The following ERVMER34-1 variants were observed in gnomAD, a reference collection of about 807,000 sequenced individuals.
ERVMER34-1 encodes the protein endogenous retrovirus group MER34 member 1, envelope, also known as endogenous retroviral envelope protein HEMO.
For synonymous variants in ERVMER34-1, 199 were observed against 111.7 expected (o/e 1.78, Z -4.93); for missense variants, 471 against 295.1 (o/e 1.60, Z -4.37).
chr4:52,747,088 G>A (rs192092814), intron 2 of ERVMER34-1, among the ~76,000 whole-genome samples: 2 of 152,106 alleles, frequency 1.3e-5, no homozygotes, highest in East Asian at 1.9e-4. Context: ...AATTAGCTGG[G>A]CATGGTGGTG....
intron 2 of ERVMER34-1, among the ~76,000 whole-genome samples, chr4:52,746,371 CCA>C (rs1253202605): frequency 6.6e-6 from 1 of 152,064 alleles, no homozygotes; most frequent in Non-Finnish European, 1.5e-5. Flanking sequence ...CCGTCTGAGT[CCA>C]GTTTATTGAC....
chr4:52,744,260 G>A lies in ERVMER34-1; in HGVS notation c.1261C>T (p.Arg421Ter), dbSNP rs772682980. 7.1e-6 allele frequency: 5 copies of A among 704,050 alleles called. No individual in the cohort carries two copies. Among genetic ancestry groups the A allele is most frequent in the South Asian group, 5.9e-5 (4 of 67,576 alleles). The allele number at this position is 704,050 out of a possible 1,614,324, so 43.6% of individuals were successfully genotyped here. Residue 421 changes from arginine (R) to a stop codon, truncating the protein, a stop_gained, in exon 3 of 3, where the codon CGA (arginine) becomes TGA (stop). Transcript: ENST00000443173. LOFTEE classifies it low-confidence loss of function (END_TRUNC). ...SKVSSLASASRKDHVLDIPTT... is the reference protein window; with the variant it reads ...SKVSSLASAS ...GGTATATCCAAGACATGATCCTTTC[G>A]GGATGCAGAGGCTAAACTGCTAACT...
intron 2 of ERVMER34-1, among the ~76,000 whole-genome samples, chr4:52,749,474 A>C (rs1434111209): frequency 6.6e-6 from 1 of 150,554 alleles, no homozygotes; most frequent in Non-Finnish European, 1.5e-5. Context: ...TCTAAACCAC[A>C]AGAAGACCTC....
intron 2 of ERVMER34-1, among the ~76,000 whole-genome samples, chr4:52,749,595 G>A (rs931750111): frequency 1.3e-5 from 2 of 152,074 alleles, no homozygotes; most frequent in Non-Finnish European, 2.9e-5. Flanking sequence ...CTGACGTCAG[G>A]AGTTTGAGAC....
chr4:52,743,849 A>G lies in ERVMER34-1; in HGVS notation c.1672T>C (p.Tyr558His). Residue 558 changes from tyrosine to histidine, a missense_variant, in exon 3 of 3, where the codon TAT becomes CAT. Coordinates refer to ENST00000443173, the MANE Select transcript of ERVMER34-1 (RefSeq NM_001242690.2). ...TATTCTCAAAGTAGACTTGTGTCATATTGATGGGTTGTTAGTCCCTTCATT... is the reference window on the plus strand; with the variant it reads ...TATTCTCAAAGTAGACTTGTGTCATGTTGATGGGTTGTTAGTCCCTTCATT... ...RAMKGLTTHQ[Y>H]DTSLL The G allele has an allele frequency of 6.6e-7, 1 of 1,503,822 alleles. No homozygotes were observed. Among genetic ancestry groups the G allele is most frequent in the Non-Finnish European group, 8.8e-7 (1 of 1,132,292 alleles). 93.2% of individuals were successfully genotyped at this position (1,503,822 alleles called of 1,614,324 possible). A position where few individuals can be genotyped will look rare whatever the true frequency, so the allele number is the denominator to read the frequency against.
intron 2 of ERVMER34-1, among the ~76,000 whole-genome samples, chr4:52,746,752 T>C (rs1398898616): frequency 1.3e-5 from 2 of 152,148 alleles, no homozygotes; most frequent in East Asian, 3.8e-4. Flanking sequence ...ATGCTTACCA[T>C]CTCTAGAGTC....
chr4:52,750,427 T>TA (rs2109417697), intron 2 of ERVMER34-1, among the ~76,000 whole-genome samples: 1 of 152,294 alleles, frequency 6.6e-6, no homozygotes, highest in East Asian at 1.9e-4. Context: ...AGGAAACTGA[T>TA]AGAGTATCTT....
Position 52,745,452 on chromosome 4 carries a change from T to A in ERVMER34-1, c.69A>T (p.Gln23His). ...AAACTGGAGCAAGCAGGTGCTGAGG[T>A]TGTACTAGAATTGTCAAAAAAGCAG... ...TLTAFLTILV[Q>H]PQHLLAPVFR... is the part of the protein sequence containing the mutation. Residue 23 changes from glutamine to histidine, a missense_variant, in exon 3 of 3, where the codon CAA becomes CAT. Transcript: ENST00000443173. 1 of 703,950 alleles carries A rather than the reference T, an allele frequency of 1.4e-6. No individual in the cohort carries two copies. Among genetic ancestry groups the A allele is most frequent in the South Asian group, 1.5e-5 (1 of 67,594 alleles). 43.6% of individuals were successfully genotyped at this position (703,950 alleles called of 1,614,324 possible). A position where few individuals can be genotyped will look rare whatever the true frequency, so the allele number is the denominator to read the frequency against.
In ERVMER34-1 at chr4:52,742,931, A is replaced by G. The variant is rs924694651; in HGVS notation, c.*898T>C. The G allele has an allele frequency of 6.6e-6, 1 of 151,884 alleles. No individual in the cohort carries two copies. Among genetic ancestry groups the G allele is most frequent in the Non-Finnish European group, 1.5e-5 (1 of 67,964 alleles). The allele number at this position is 151,884 out of a possible 1,614,324, so 9.4% of individuals were successfully genotyped here. On this transcript the variant is annotated 3_prime_UTR_variant, in exon 3 of 3. Transcript: ENST00000443173. The stretch of plus-strand genomic sequence containing the variant: ...GACTCTGCCTCAAAAAAAAAAAAAA[A>G]AGAGTAACATACTAGGTATGCTGTT...
intron 2 of ERVMER34-1, among the ~76,000 whole-genome samples, chr4:52,746,336 T>G (rs1716156811): frequency 6.6e-6 from 1 of 152,180 alleles, no homozygotes; most frequent in Non-Finnish European, 1.5e-5. Flanking sequence ...CAGATCTTTA[T>G]AAGGACCAAG....
chr4:52,748,609 G>A (rs1560437886), intron 2 of ERVMER34-1, among the ~76,000 whole-genome samples: 1 of 152,178 alleles, frequency 6.6e-6, no homozygotes, highest in East Asian at 1.9e-4. Flanking sequence ...ACACTTAGCA[G>A]CTGGCTGTTG....
chr4:52,743,554 A>T lies in ERVMER34-1; in HGVS notation c.*275T>A. 1 of 318,812 alleles carries T rather than the reference A, an allele frequency of 3.1e-6. No individual in the cohort carries two copies. 19.7% of individuals were successfully genotyped at this position (318,812 alleles called of 1,614,324 possible). ...TAGAAAAAACATTTATTATATATGC[A>T]TGCAAGAACACTACAAAGAGTAGCT... On this transcript the variant is annotated 3_prime_UTR_variant, in exon 3 of 3. Coordinates refer to ENST00000443173, the MANE Select transcript of ERVMER34-1 (RefSeq NM_001242690.2).
In ERVMER34-1 at chr4:52,742,635, G is replaced by C. The variant is rs867914020; in HGVS notation, c.*1194C>G. 6.6e-6 allele frequency: 1 copy of C among 151,886 alleles called. No homozygotes were observed. The highest frequency in any genetic ancestry group is 1.5e-5 in the Non-Finnish European group (1 of 67,984). The allele number at this position is 151,886 out of a possible 1,614,324, so 9.4% of individuals were successfully genotyped here. Reference sequence around the variant, plus strand: ...TTTTTTAAAATAAAAAGTAACATACGAGGCTGGGTGCAGTGGCTCACACCT... The same window carrying C: ...TTTTTTAAAATAAAAAGTAACATACCAGGCTGGGTGCAGTGGCTCACACCT... On this transcript the variant is annotated 3_prime_UTR_variant, in exon 3 of 3. Transcript: ENST00000443173.
chr4:52,745,047 G>C lies in ERVMER34-1; in HGVS notation c.474C>G (p.Phe158Leu). The C allele has an allele frequency of 1.4e-6, 1 of 704,168 alleles. No individual in the cohort carries two copies. Among genetic ancestry groups the C allele is most frequent in the Non-Finnish European group, 2.6e-6 (1 of 385,016 alleles). 43.6% of individuals were successfully genotyped at this position (704,168 alleles called of 1,614,324 possible). A position where few individuals can be genotyped will look rare whatever the true frequency, so the allele number is the denominator to read the frequency against. Residue 158 changes from phenylalanine to leucine, a missense_variant, in exon 3 of 3, where the codon TTC becomes TTG. Phe to Leu is a conservative substitution (Grantham distance 22). Coordinates refer to ENST00000443173, the MANE Select transcript of ERVMER34-1 (RefSeq NM_001242690.2). ...ILWFDSTDGT[F>L]MPSIDVTNES... The stretch of plus-strand genomic sequence containing the variant: ...CATTTGTAACATCTATAGAGGGCAT[G>C]AAGGTGCCATCTGTAGAATCAAACC...
At chr4:52,747,896 G>A (rs1201437251) in intron 2 of ERVMER34-1, among the ~76,000 whole-genome samples, 1 of 152,178 alleles carries the variant, frequency 6.6e-6, no homozygotes, top group Non-Finnish European at 1.5e-5. Flanking sequence ...AATTAGCCAG[G>A]CGTGGCGGCA....
intron 2 of ERVMER34-1, among the ~76,000 whole-genome samples, chr4:52,746,834 GTCTTTTGGC>G (rs1215028968): frequency 6.6e-6 from 1 of 152,188 alleles, no homozygotes; most frequent in Non-Finnish European, 1.5e-5. Flanking sequence ...AGAGCCAACT[GTCTTTTGGC>G]TCTTTTTGGC....
Position 52,745,673 on chromosome 4 carries a change from G to C in ERVMER34-1, c.-153C>G. ...AGTTGGAGATGGAGATGAAGTTCTT[G>C]GTCTGAGATACTGAGTAAAGCTGTC... is the stretch of plus-strand genomic sequence containing the variant. On this transcript the variant is annotated 5_prime_UTR_variant, in exon 3 of 3. Coordinates refer to ENST00000443173, the MANE Select transcript of ERVMER34-1 (RefSeq NM_001242690.2). 1.6e-6 allele frequency: 1 copy of C among 608,940 alleles called. No individual in the cohort carries two copies. Among genetic ancestry groups the C allele is most frequent in the Non-Finnish European group, 2.9e-6 (1 of 343,676 alleles). The allele number at this position is 608,940 out of a possible 1,614,324, so 37.7% of individuals were successfully genotyped here. A position where few individuals can be genotyped will look rare whatever the true frequency, so the allele number is the denominator to read the frequency against.
In ERVMER34-1 at chr4:52,744,341, C is replaced by T. The variant is rs1238226994; in HGVS notation, c.1180G>A (p.Ala394Thr). The T allele has an allele frequency of 1.4e-6, 1 of 704,098 alleles. No individual in the cohort carries two copies. Among genetic ancestry groups the T allele is most frequent in the Non-Finnish European group, 2.6e-6 (1 of 385,012 alleles). 43.6% of individuals were successfully genotyped at this position (704,098 alleles called of 1,614,324 possible). ...GTGGCACTGAATTCCTGTTCCATTG[C>T]TTTGGAAATGTTTAGAATTGCCTTT... ...LEKAILNISK[A>T]MEQEFSATKQ... Residue 394 changes from alanine to threonine, a missense_variant, in exon 3 of 3, where the codon GCA (alanine) becomes ACA (threonine). Transcript: ENST00000443173.
rs1716072872 is a variant in ERVMER34-1, at chr4:52,743,864, G to T, written c.1657C>A (p.Leu553Ile). The change falls in exon 3 of 3, where the codon CTA (leucine) becomes ATA (isoleucine). Residue 553 changes from leucine (L) to isoleucine (I), a missense_variant. Physicochemically the swap from Leu to Ile is conservative, Grantham distance 5 (BLOSUM62 2). Transcript: ENST00000443173. The part of the protein sequence containing the change: ...CQVSNRAMKG[L>I]TTHQYDTSLL ...CTTGTGTCATATTGATGGGTTGTTA[G>T]TCCCTTCATTGCCCTATTTGAAACT... is the stretch of plus-strand genomic sequence containing the variant. 6.6e-7 allele frequency: 1 copy of T among 1,521,346 alleles called. No homozygotes were observed. Among genetic ancestry groups the T allele is most frequent in the Non-Finnish European group, 8.8e-7 (1 of 1,139,188 alleles). The allele number at this position is 1,521,346 out of a possible 1,614,324, so 94.2% of individuals were successfully genotyped here. A position where few individuals can be genotyped will look rare whatever the true frequency, so the allele number is the denominator to read the frequency against.
Sources: gnomAD v4.1 joint callset for allele counts (sites outside exome capture counted in the v4.1 genomes callset) on GRCh38, gnomAD v4.1.1 for gene constraint, MANE v1.5 for transcripts, NCBI Gene and HGNC (gene_info 2026-07-23, HGNC 2026-07-21) for gene names.